The following PIKFYVE variants were observed in gnomAD, a reference collection of about 807,000 sequenced individuals.
The protein encoded by PIKFYVE is 1-phosphatidylinositol 3-phosphate 5-kinase.
In PIKFYVE, 122 loss-of-function variants were observed where a neutral mutation model predicts 257.9. The ratio of observed to expected loss-of-function variants is 0.47; its 90% confidence interval spans 0.41 to 0.55. The LOEUF is 0.55. Among genes scored for constraint, PIKFYVE ranks in the 20% least tolerant of loss-of-function variants. The probability of loss-of-function intolerance (pLI) is 0.00; values close to 1 mark genes in which losing one functional copy is unlikely to be tolerated. For synonymous variants in PIKFYVE, 892 were observed against 868.9 expected (o/e 1.03, Z -0.47); for missense variants, 2,160 against 2,536.6 (o/e 0.85, Z 3.19).
At chr2:208,274,098 T>G (rs1387717233) in intron 3 of PIKFYVE, 1 of 1,589,022 alleles carries the variant, frequency 6.3e-7, no homozygotes, top group Non-Finnish European at 8.6e-7. Flanking sequence ...GTTCTTGGGG[T>G]GCTAGTGAAA....
intron 29 of PIKFYVE, 87 bp downstream of exon 29, chr2:208,338,655 T>C: frequency 7.6e-7 from 1 of 1,310,112 alleles, no homozygotes; most frequent in Non-Finnish European, 1.1e-6. Context: ...TTGAGCAGTT[T>C]TTCCGATGCT....
chr2:208,325,637 A>G lies in PIKFYVE; in HGVS notation c.2826A>G (p.Glu942=). 1.2e-6 allele frequency: 2 copies of G among 1,614,148 alleles called. No individual in the cohort carries two copies. The highest frequency in any genetic ancestry group is 1.7e-6 in the Non-Finnish European group (2 of 1,180,030). Residue 942 remains glutamate, a synonymous_variant, in exon 20 of 42, where the codon GAA becomes GAG. Coordinates refer to ENST00000264380, the MANE Select transcript of PIKFYVE (RefSeq NM_015040.4). The stretch of plus-strand genomic sequence containing the variant: ...TTGTGTTTGAGAAGGGTGAGCAGGA[A>G]AATAAAAATCTTCCGCAGGCTGTTG... ...LRIVFEKGEQ[E]NKNLPQAVAS...
intron 23 of PIKFYVE, among the ~76,000 whole-genome samples, chr2:208,333,070 T>A (rs1322098101): frequency 6.6e-6 from 1 of 151,820 alleles, no homozygotes; most frequent in African/African-American, 2.4e-5. Context: ...CTGTCTCTAC[T>A]AAAAATACAA....
At chr2:208,350,629 G>A (rs1286732995) in intron 36 of PIKFYVE, 142 bp from the exon 37 acceptor site, 7 of 817,172 alleles carry the variant, frequency 8.6e-6, no homozygotes, top group Non-Finnish European at 1.4e-5. Context: ...GTGATAAATA[G>A]GGATTTGGAT....
At chr2:208,302,395 T>C (rs766240269) in intron 10 of PIKFYVE, 42 bp downstream of exon 10, 2 of 1,485,488 alleles carry the variant, frequency 1.3e-6, no homozygotes, top group Admixed American at 3.4e-5. Flanking sequence ...GTAGCAAGCT[T>C]ATTTTATAGT....
At position 208,347,927 on chromosome 2, in the gene PIKFYVE, C is replaced by T; in HGVS notation, c.5278C>T (p.Gln1760Ter). ...AGGGAAAAGCCCCGATCTCTCTTCC[C>T]AGAAGAGAGAGACCTTACGTGGAGC... ...TAGKSPDLSS[Q>*]KRETLRGADS... Residue 1760 changes from glutamine to a stop codon, truncating the protein, a stop_gained, in exon 35 of 42, where the codon CAG (glutamine) becomes TAG (stop). Coordinates refer to ENST00000264380, the MANE Select transcript of PIKFYVE (RefSeq NM_015040.4). LOFTEE classifies it high-confidence loss of function. The T allele has an allele frequency of 6.2e-7, 1 of 1,613,220 alleles. No individual in the cohort carries two copies. Among genetic ancestry groups the T allele is most frequent in the Non-Finnish European group, 8.5e-7 (1 of 1,179,252 alleles).
At chr2:208,274,116 T>TGCAGCCAGAG in intron 3 of PIKFYVE, 1 of 1,522,298 alleles carries the variant, frequency 6.6e-7, no homozygotes, top group Non-Finnish European at 9.0e-7. Flanking sequence ...AAATGTGATA[T>TGCAGCCAGAG]GCATGCCTCT....
intron 2 of PIKFYVE, among the ~76,000 whole-genome samples, chr2:208,272,969 TA>T (rs1221246102): frequency 7.2e-5 from 11 of 152,224 alleles, no homozygotes; most frequent in Non-Finnish European, 1.2e-4. Context: ...TTACGTATTT[TA>T]TTTAGATTTC....
rs147622869 is a variant in PIKFYVE at position 208,315,271 on chromosome 2, C to T, written c.1905C>T (p.Asp635=). 4 of 1,614,094 alleles carry T rather than the reference C, an allele frequency of 2.5e-6. No homozygotes were observed. The highest frequency in any genetic ancestry group is 3.4e-6 in the Non-Finnish European group (4 of 1,179,986). ...HSDSLSSSWR[D]IIVSLVCQVV... Reference sequence around the variant, plus strand: ...ACTCACTGTCATCATCTTGGAGGGACATCATCGTGTCATTGGTCTGCCAGG... The same window carrying T: ...ACTCACTGTCATCATCTTGGAGGGATATCATCGTGTCATTGGTCTGCCAGG... Residue 635 remains aspartate, a synonymous_variant, in exon 15 of 42, where the codon GAC becomes GAT. Transcript: ENST00000264380.
intron 20 of PIKFYVE, among the ~76,000 whole-genome samples, chr2:208,327,899 C>A (rs1189091237): frequency 6.6e-6 from 1 of 151,870 alleles, no homozygotes; most frequent in Non-Finnish European, 1.5e-5. Context: ...AATTTTTTTC[C>A]AAAATAATTT....
chr2:208,326,543 TC>T, intron 20 of PIKFYVE, 114 bp downstream of exon 20: 1 of 1,147,314 alleles, frequency 8.7e-7, no homozygotes, highest in Non-Finnish European at 1.3e-6. Context: ...GTGAAATATT[TC>T]TTCTCCTATG....
rs1001877206 is a variant in PIKFYVE, at chr2:208,358,078, A to T, written c.*2773A>T. The T allele has an allele frequency of 6.6e-6, 1 of 152,210 alleles. No individual in the cohort carries two copies. The highest frequency in any genetic ancestry group is 1.5e-5 in the Non-Finnish European group (1 of 68,044). 9.4% of individuals were successfully genotyped at this position (152,210 alleles called of 1,614,324 possible). A position where few individuals can be genotyped will look rare whatever the true frequency, so the allele number is the denominator to read the frequency against. ...AGATATTCAAAATTTCCTACAAACTATAATTTTTTCCATGATTTAGCAGTG... is the reference window on the plus strand; with the variant it reads ...AGATATTCAAAATTTCCTACAAACTTTAATTTTTTCCATGATTTAGCAGTG... On this transcript the variant is annotated 3_prime_UTR_variant, in exon 42 of 42. Transcript: ENST00000264380.
chr2:208,343,966 G>A (rs1018122925), intron 32 of PIKFYVE, among the ~76,000 whole-genome samples: 9 of 151,620 alleles, frequency 5.9e-5, no homozygotes, highest in Non-Finnish European at 1.2e-4. Flanking sequence ...CAAGTAGCCC[G>A]CCACCATGCC....
chr2:208,309,128 A>C (rs915932265), intron 12 of PIKFYVE, among the ~76,000 whole-genome samples: 1 of 152,118 alleles, frequency 6.6e-6, no homozygotes, highest in Non-Finnish European at 1.5e-5. Flanking sequence ...ACTTGACTCT[A>C]TATTTAGAGT....
chr2:208,301,850 C>T (rs987419739), intron 9 of PIKFYVE, among the ~76,000 whole-genome samples: 1 of 151,584 alleles, frequency 6.6e-6, no homozygotes, highest in African/African-American at 2.4e-5. Context: ...TATATATATA[C>T]ACACACACAC....
chr2:208,354,127 A>T lies in PIKFYVE; in HGVS notation c.6074A>T (p.Asp2025Val). Residue 2025 changes from aspartate to valine, a missense_variant, in exon 40 of 42, where the codon GAT becomes GTT. Transcript: ENST00000264380. ...IDYSLLVGRD[D>V]TSNELVVGII... ...TATTCTTTGCTGGTTGGGCGAGATG[A>T]TACTAGCAATGAGCTAGTAGTTGGA... is the stretch of plus-strand genomic sequence containing the variant. The T allele has an allele frequency of 6.2e-7, 1 of 1,613,788 alleles. No individual in the cohort carries two copies. The highest frequency in any genetic ancestry group is 1.3e-5 in the African/African-American group (1 of 75,042).
chr2:208,269,847 G>A, intron 1 of PIKFYVE: 1 of 288,540 alleles, frequency 3.5e-6, no homozygotes, highest in Non-Finnish European at 7.2e-6. Flanking sequence ...GGATGGGATA[G>A]CTGGCTCAGC....
At position 208,335,834 on chromosome 2, in the gene PIKFYVE, CT is replaced by C; in HGVS notation, c.4301del (p.Leu1434Ter). On this transcript the variant is annotated frameshift_variant, in exon 26 of 42. Coordinates refer to ENST00000264380, the MANE Select transcript of PIKFYVE (RefSeq NM_015040.4). LOFTEE classifies it high-confidence loss of function. ...GTTGCCATTGATGAAAGACTTGCAT[CT>C]TTGAAAACTGATACATTTAGTAAAA... ...VYVAIDERLA[S>X]LKTDTFSKTR... The C allele has an allele frequency of 3.1e-6, 5 of 1,612,904 alleles. No homozygotes were observed. The highest frequency in any genetic ancestry group is 3.4e-6 in the Non-Finnish European group (4 of 1,179,398).
intron 12 of PIKFYVE, among the ~76,000 whole-genome samples, chr2:208,309,884 A>T (rs193114282): frequency 2.0e-5 from 3 of 152,226 alleles, no homozygotes; most frequent in Non-Finnish European, 4.4e-5. Context: ...ATCTAGAATT[A>T]AAAAGAAATT....
Sources: gnomAD v4.1 joint callset for allele counts (sites outside exome capture counted in the v4.1 genomes callset) on GRCh38, gnomAD v4.1.1 for gene constraint, MANE v1.5 for transcripts, NCBI Gene and HGNC (gene_info 2026-07-23, HGNC 2026-07-21) for gene names.